Variants in TCOF1 observed in about 807,000 individuals in gnomAD.
The protein encoded by TCOF1 is treacle ribosome biogenesis factor 1.
Under a neutral mutation model 149.0 loss-of-function variants are expected in TCOF1, and 33 were observed. The ratio of observed to expected loss-of-function variants is 0.22; its 90% CI spans 0.17 to 0.30. TCOF1 has a LOEUF of 0.30. TCOF1 is among the 10% of genes least tolerant of loss of function. The pLI, the probability that TCOF1 is intolerant of heterozygous loss-of-function variation, is 1.00. For missense variants in TCOF1, 1,728 were observed against 1,840.7 expected, an observed-to-expected ratio of 0.94 and a Z score of 1.12; for synonymous variants, 789 against 738.8, an observed-to-expected ratio of 1.07 and a Z score of -1.10.
chr5:150,398,100 T>G (rs1768948317), intron 24 of TCOF1, among the ~76,000 whole-genome samples: 1 of 152,134 alleles, frequency 6.6e-6, no homozygotes. Context: ...TTTTTGTATT[T>G]TTTGTAGAGA....
intron 4 of TCOF1, chr5:150,368,350 A>T (rs1761798622): frequency 2.8e-6 from 1 of 357,502 alleles, no homozygotes; most frequent in Admixed American, 4.5e-5. Flanking sequence ...TCATTTTCTA[A>T]TAATCCAGAA....
At chr5:150,360,997 A>G (rs1460798628) in intron 1 of TCOF1, among the ~76,000 whole-genome samples, 159 bp from the exon 2 acceptor site, 1 of 151,982 alleles carries the variant, frequency 6.6e-6, no homozygotes, top group Non-Finnish European at 1.5e-5. Context: ...CAGCCTCCCA[A>G]AGTGCTGAGA....
rs78791962 is a variant in TCOF1 at position 150,383,525 on chromosome 5, T to C, written c.2859+3793T>C. Among the ~76,000 whole-genome samples, 277 of 152,332 alleles carry C rather than the reference T, an allele frequency of 1.8e-3. 2 individuals carry two copies. Among genetic ancestry groups the C allele is most frequent in the Non-Finnish European group, 3.4e-3 (231 of 68,016 alleles). The stretch of plus-strand genomic sequence containing the variant: ...CCTCTCTCCTGCCTCTGTGCACTGG[T>C]GCCAGCACACAAGGTACTTGCCACA... On this transcript the variant is annotated intron_variant, in intron 17 of 26. Transcript: ENST00000643257.
chr5:150,385,165 TGTC>T, intron 17 of TCOF1: 1 of 893,146 alleles, frequency 1.1e-6, no homozygotes, highest in Non-Finnish European at 1.3e-6. Flanking sequence ...CAGTTTCACT[TGTC>T]GGTAATATTT....
In TCOF1 at chr5:150,376,206, C is replaced by G. The variant is rs747266759; in HGVS notation, c.2018C>G (p.Thr673Ser). Residue 673 changes from threonine to serine, a missense_variant, in exon 13 of 27, where the codon ACT (threonine) becomes AGT (serine). By Grantham distance (58) the Thr-to-Ser change is moderately conservative. Coordinates refer to ENST00000643257, the MANE Select transcript of TCOF1 (RefSeq NM_001371623.1). The stretch of plus-strand genomic sequence containing the variant: ...GCCCCCCGGAAAGCAGGAACTGCGA[C>G]TTCTCCAGCAGGCTCATCCCCAGCT... The part of the protein sequence containing the change: ...TQAPRKAGTA[T>S]SPAGSSPAVA... 2 of 1,614,234 alleles carry G rather than the reference C, an allele frequency of 1.2e-6. No homozygotes were observed. The highest frequency in any genetic ancestry group is 2.2e-5 in the East Asian group (1 of 44,886).
chr5:150,371,922 A>T (rs1440904432), intron 6 of TCOF1, 84 bp from the exon 7 acceptor site: 2 of 1,238,568 alleles, frequency 1.6e-6, no homozygotes, highest in East Asian at 2.5e-5. Context: ...AAAGAGCTTT[A>T]TCAACTGCTG....
chr5:150,373,510 C>A (rs1039209163), intron 7 of TCOF1, among the ~76,000 whole-genome samples: 5 of 152,142 alleles, frequency 3.3e-5, no homozygotes, highest in Admixed American at 6.5e-5. Context: ...GGCTGAACAC[C>A]CAGGGCCTTC....
chr5:150,367,679 T>C, intron 3 of TCOF1, 165 bp from the exon 4 acceptor site: 1 of 725,130 alleles, frequency 1.4e-6, no homozygotes, highest in South Asian at 1.5e-5. Context: ...ACCTGGCTGA[T>C]GCATCACAGA....
intron 7 of TCOF1, among the ~76,000 whole-genome samples, chr5:150,373,289 C>A (rs1762951375): frequency 6.6e-6 from 1 of 152,298 alleles, no homozygotes; most frequent in Admixed American, 6.5e-5. Flanking sequence ...AGTCCTCCCA[C>A]CTTGGCCTCC....
chr5:150,363,517 G>A (rs182616740), intron 2 of TCOF1, among the ~76,000 whole-genome samples: 44 of 152,318 alleles, frequency 2.9e-4, no homozygotes, highest in African/African-American at 1.1e-3. Context: ...TTTGAGACAT[G>A]TGTGAGGCAC....
intron 1 of TCOF1, among the ~76,000 whole-genome samples, chr5:150,358,648 C>A (rs937432696): frequency 2.0e-5 from 3 of 151,954 alleles, no homozygotes; most frequent in African/African-American, 7.3e-5. Context: ...ACCAGCCTGG[C>A]CAACATGGTG....
rs549286286 is a variant in TCOF1 at position 150,379,241 on chromosome 5, G to C, written c.2491G>C (p.Val831Leu). 13 of 1,614,248 alleles carry C rather than the reference G, an allele frequency of 8.1e-6. No homozygotes were observed. The South Asian group carries it at 1.4e-4, about 18-fold the overall frequency. Reference protein sequence around the residue: ...QRSPSKVKPPVRNPQNSTVLA... With the variant: ...QRSPSKVKPPLRNPQNSTVLA... The stretch of plus-strand genomic sequence containing the variant: ...CCCTGCAATTCAGGTGAAGCCACCA[G>C]TGAGAAACCCCCAGAACAGTACCGT... Residue 831 changes from valine (V) to leucine (L), a missense_variant, in exon 16 of 27, where the codon GTG becomes CTG. Physicochemically the swap from Val to Leu is conservative, Grantham distance 32 (BLOSUM62 1). Transcript: ENST00000643257.
At position 150,363,998 on chromosome 5, in the gene TCOF1, G is replaced by A. The variant is rs3733922; in HGVS notation, c.165-115G>A. 4.2e-3 allele frequency: 6,229 copies of A among 1,494,706 alleles called. 214 individuals are homozygous for A. The East Asian group carries it at 0.081, about 19-fold the overall frequency. 92.6% of individuals were successfully genotyped at this position (1,494,706 alleles called of 1,614,324 possible). On this transcript the variant is annotated intron_variant, in intron 2 of 26. Transcript: ENST00000643257. The stretch of plus-strand genomic sequence containing the variant: ...TATACTGTGTTTTCACCACTGTTTA[G>A]ATTCTATGCACATTGCCTTTAAGAG...
Position 150,396,880 on chromosome 5 carries a change from C to A in TCOF1, c.4345+38C>A, listed in dbSNP as rs759641521. On this transcript the variant is annotated intron_variant, in intron 24 of 26. Coordinates refer to ENST00000643257, the MANE Select transcript of TCOF1 (RefSeq NM_001371623.1). ...TTCTCCCAGCCCACCCCAAGGGCTG[C>A]TGGGCACCCCACGGGGGCGGGAGGG... The A allele has an allele frequency of 4.5e-6, 7 of 1,561,800 alleles. No individual in the cohort carries two copies. In the East Asian group the frequency reaches 1.7e-4, roughly 37 times the overall value.
chr5:150,379,095 G>A (rs1266017335), intron 15 of TCOF1, 53 bp downstream of exon 15: 3 of 1,613,672 alleles, frequency 1.9e-6, no homozygotes, highest in East Asian at 2.2e-5. Context: ...TAGAGAGGAG[G>A]ACCAGTCACT....
At position 150,392,927 on chromosome 5, in the gene TCOF1, C is replaced by T. The variant is rs1295962790; in HGVS notation, c.3603+137C>T. On this transcript the variant is annotated intron_variant, in intron 22 of 26. Coordinates refer to ENST00000643257, the MANE Select transcript of TCOF1 (RefSeq NM_001371623.1). ...GAGGCCTTGGGCAAGGTCCTGTCTG[C>T]AAGGCACCACGTGTGGCCCAGCCAG... 1.2e-5 allele frequency: 13 copies of T among 1,061,610 alleles called. No individual in the cohort carries two copies. In the East Asian group the frequency reaches 3.4e-4, roughly 28 times the overall value. The allele number at this position is 1,061,610 out of a possible 1,614,324, so 65.8% of individuals were successfully genotyped here.
At position 150,397,617 on chromosome 5, in the gene TCOF1, G is replaced by A. The variant is rs116666947; in HGVS notation, c.4346-737G>A. On this transcript the variant is annotated intron_variant, in intron 24 of 26. Coordinates refer to ENST00000643257, the MANE Select transcript of TCOF1 (RefSeq NM_001371623.1). ...AGAGTCAAACCTAGGCAGCACTCTC[G>A]AGCATCGCCCTGGACGGTGGGTTGC... Among the ~76,000 whole-genome samples the A allele has an allele frequency of 5.9e-3, 893 of 152,212 alleles. 5 individuals are homozygous for A. The highest frequency in any genetic ancestry group is 0.02 in the African/African-American group (841 of 41,528).
At chr5:150,366,169 A>G (rs1244836002) in intron 3 of TCOF1, among the ~76,000 whole-genome samples, 1 of 150,924 alleles carries the variant, frequency 6.6e-6, no homozygotes, top group Admixed American at 6.6e-5. Context: ...TGGGCAACAT[A>G]GTGAGACTCC....
chr5:150,381,398 A>C (rs1051879663), intron 17 of TCOF1, among the ~76,000 whole-genome samples: 1 of 152,216 alleles, frequency 6.6e-6, no homozygotes, highest in Non-Finnish European at 1.5e-5. Context: ...ATCGCAGACT[A>C]TGCTAGTGGT....
Sources: gnomAD v4.1 joint callset for allele counts (sites outside exome capture counted in the v4.1 genomes callset) on GRCh38, gnomAD v4.1.1 for gene constraint, MANE v1.5 for transcripts, NCBI Gene and HGNC (gene_info 2026-07-23, HGNC 2026-07-21) for gene names.